Variants in ANXA10 observed in about 807,000 individuals in gnomAD.
The protein encoded by ANXA10 is annexin A10, also known as annexin 14.
Under a neutral mutation model 53.5 loss-of-function variants are expected in ANXA10, and 49 were observed. The ratio of observed to expected loss-of-function variants is 0.92; its 90% CI spans 0.73 to 1.16. ANXA10 has a LOEUF of 1.16. ANXA10 is among the 50% of genes most tolerant of loss of function. The probability of loss-of-function intolerance (pLI) is 0.00; values close to 1 mark genes in which losing one functional copy is unlikely to be tolerated. For missense variants in ANXA10, 393 were observed against 394.4 expected, an observed-to-expected ratio of 1.00 and a Z score of 0.03; for synonymous variants, 131 against 128.9, an observed-to-expected ratio of 1.02 and a Z score of -0.11.
chr4:168,155,796 TATATAATATATG>T (rs1731625113), intron 3 of ANXA10, among the ~76,000 whole-genome samples: 1 of 43,054 alleles, frequency 2.3e-5, no homozygotes, highest in Non-Finnish European at 3.9e-5. Context: ...TTATATATAA[TATATAATATATG>T]ATATATTATA....
intron 1 of ANXA10, among the ~76,000 whole-genome samples, chr4:168,100,512 C>T (rs947372160): frequency 3.3e-5 from 5 of 152,048 alleles, no homozygotes; most frequent in Non-Finnish European, 5.9e-5. Context: ...GCTCTAAGTT[C>T]TCTGCTTCTC....
intron 6 of ANXA10, among the ~76,000 whole-genome samples, chr4:168,171,520 ATTTT>A: frequency 6.6e-6 from 1 of 152,032 alleles, no homozygotes; most frequent in Admixed American, 6.6e-5. Flanking sequence ...AGACACACCC[ATTTT>A]TTTTGAATTA....
chr4:168,114,789 A>G (rs913517997), intron 1 of ANXA10, among the ~76,000 whole-genome samples: 3 of 152,192 alleles, frequency 2.0e-5, no homozygotes, highest in Admixed American at 6.5e-5. Context: ...AATGGCCTCA[A>G]GCTCCAACCA....
At chr4:168,127,482 G>A (rs1304770607) in intron 1 of ANXA10, among the ~76,000 whole-genome samples, 1 of 152,042 alleles carries the variant, frequency 6.6e-6, no homozygotes, top group African/African-American at 2.4e-5. Context: ...TCATATGAAT[G>A]AAACGAATCC....
At chr4:168,127,632 T>C (rs758981488) in intron 1 of ANXA10, 1 of 238,966 alleles carries the variant, frequency 4.2e-6, no homozygotes. Flanking sequence ...CATAGTCTCT[T>C]ATTTAAATAA....
rs567493293 is a variant in ANXA10 at position 168,106,828 on chromosome 4, C to A, written c.18+14110C>A. On this transcript the variant is annotated intron_variant, in intron 1 of 11. Transcript: ENST00000359299. ...CTGGTTACATGATACATGATTTTTG[C>A]TCCAGTTTGTCACTTACTTGATAGA... 3.9e-5 allele frequency among the ~76,000 whole-genome samples: 6 copies of A among 152,070 alleles called. No individual in the cohort carries two copies. The South Asian group carries it at 1.0e-3, about 26-fold the overall frequency.
At chr4:168,135,726 C>G (rs945845509) in intron 2 of ANXA10, among the ~76,000 whole-genome samples, 7 of 152,150 alleles carry the variant, frequency 4.6e-5, no homozygotes, top group African/African-American at 1.7e-4. Flanking sequence ...CAGGTTCACT[C>G]TATCCCTCAG....
At chr4:168,119,123 T>G (rs1730946065) in intron 1 of ANXA10, among the ~76,000 whole-genome samples, 1 of 152,216 alleles carries the variant, frequency 6.6e-6, no homozygotes, top group South Asian at 2.1e-4. Context: ...CTCATAAGTC[T>G]TGTTCTCTTC....
intron 9 of ANXA10, 105 bp downstream of exon 9, chr4:168,179,417 AT>A: frequency 3.9e-6 from 3 of 761,612 alleles, no homozygotes; most frequent in Non-Finnish European, 6.3e-6. Flanking sequence ...TGATCGAGTC[AT>A]TTTCCCTTGA....
intron 3 of ANXA10, among the ~76,000 whole-genome samples, chr4:168,156,206 T>TATTATATATTATA (rs1553957762): frequency 5.9e-5 from 1 of 16,878 alleles, no homozygotes; most frequent in Non-Finnish European, 9.5e-5. Flanking sequence ...ATAATATATA[T>TATTATATATTATA]TATATTATAT....
chr4:168,176,728 C>T (rs1380026922), intron 6 of ANXA10, among the ~76,000 whole-genome samples: 2 of 152,086 alleles, frequency 1.3e-5, no homozygotes, highest in East Asian at 3.9e-4. Context: ...GGACTAGGCA[C>T]AGTGGCTCAT....
intron 1 of ANXA10, among the ~76,000 whole-genome samples, chr4:168,109,757 A>G (rs922506125): frequency 1.3e-5 from 2 of 152,194 alleles, no homozygotes; most frequent in Non-Finnish European, 2.9e-5. Context: ...ACCTATATAA[A>G]ATCATAACAA....
At chr4:168,129,921 T>G (rs941759107) in intron 2 of ANXA10, among the ~76,000 whole-genome samples, 1 of 152,188 alleles carries the variant, frequency 6.6e-6, no homozygotes, top group Non-Finnish European at 1.5e-5. Flanking sequence ...ACATGTGTAA[T>G]TGCTAGGTCA....
intron 11 of ANXA10, among the ~76,000 whole-genome samples, chr4:168,185,960 T>G (rs2149483085): frequency 6.6e-6 from 1 of 152,332 alleles, no homozygotes; most frequent in South Asian, 2.1e-4. Context: ...AAGAGAAATC[T>G]TATTCCTTCA....
intron 3 of ANXA10, among the ~76,000 whole-genome samples, chr4:168,152,746 C>A (rs952413695): frequency 6.7e-6 from 1 of 148,820 alleles, no homozygotes; most frequent in Non-Finnish European, 1.5e-5. Context: ...CCCAGCAATT[C>A]TATTTATATA....
chr4:168,167,329 A>G (rs1411934447), intron 6 of ANXA10, among the ~76,000 whole-genome samples: 1 of 152,196 alleles, frequency 6.6e-6, no homozygotes. Flanking sequence ...TCCATAAATT[A>G]TGTGAGATAT....
chr4:168,109,532 TAAAATAA>T (rs1730770635), intron 1 of ANXA10, among the ~76,000 whole-genome samples: 1 of 152,162 alleles, frequency 6.6e-6, no homozygotes, highest in Non-Finnish European at 1.5e-5. Flanking sequence ...ATTCAAAGTA[TAAAATAA>T]ATCACCAAGT....
At chr4:168,166,717 T>C (rs1731888163) in intron 6 of ANXA10, among the ~76,000 whole-genome samples, 1 of 151,052 alleles carries the variant, frequency 6.6e-6, no homozygotes, top group Non-Finnish European at 1.5e-5. Context: ...CCTCCAAACC[T>C]TTCCTTTACA....
chr4:168,122,131 C>A (rs1397068134), intron 1 of ANXA10, among the ~76,000 whole-genome samples: 1 of 152,138 alleles, frequency 6.6e-6, no homozygotes, highest in East Asian at 1.9e-4. Flanking sequence ...TGAGCCACCG[C>A]CCCCGGCCAG....
Sources: allele counts gnomAD v4.1 joint callset (sites outside exome capture counted in the v4.1 genomes callset), GRCh38; gene constraint gnomAD v4.1.1; transcripts MANE v1.5; gene names NCBI Gene and HGNC (gene_info 2026-07-23, HGNC 2026-07-21).